Variants in PCSK6 observed in about 807,000 individuals in gnomAD.
PCSK6 encodes the protein proprotein convertase subtilisin/kexin type 6.
A neutral mutation model predicts 123.3 loss-of-function variants in PCSK6; 85 were observed. The observed-to-expected ratio is 0.69, with a 90% CI of 0.58 to 0.83. The LOEUF (loss-of-function observed/expected upper bound fraction) is 0.83, where lower values mean the gene tolerates loss of function less well. Among genes scored for constraint, PCSK6 ranks in the 40% least tolerant of loss-of-function variants. PCSK6 has a pLI of 0.00. For missense variants in PCSK6, 1,191 were observed against 1,282.3 expected (o/e 0.93, Z 1.09); for synonymous variants, 508 against 516.0 (o/e 0.98, Z 0.21).
rs187844048 is a variant in PCSK6 at position 101,412,225 on chromosome 15, T to C, written c.824-13649A>G. Among the ~76,000 whole-genome samples, 22 of 152,282 alleles carry C rather than the reference T, an allele frequency of 1.4e-4. No homozygotes were observed. In the East Asian group the frequency reaches 3.9e-3, roughly 27 times the overall value. On this transcript the variant is annotated intron_variant, in intron 6 of 21. Transcript: ENST00000611716. ...TGAAACAGAAGGCTGAAGTCAGGTA[T>C]AGCCTCATAACATAATGCAAAAATG...
At chr15:101,404,816 C>T (rs922892485) in intron 6 of PCSK6, among the ~76,000 whole-genome samples, 5 of 152,160 alleles carry the variant, frequency 3.3e-5, no homozygotes, top group South Asian at 2.1e-4. Context: ...ACTGGCCACC[C>T]GGGGGTCAAG....
chr15:101,367,706 T>C lies in PCSK6; in HGVS notation c.1722-1374A>G, dbSNP rs76237362. 8.7e-3 allele frequency among the ~76,000 whole-genome samples: 1,322 copies of C among 152,344 alleles called. 11 individuals are homozygous for C. Among genetic ancestry groups the C allele is most frequent in the African/African-American group, 0.03 (1,259 of 41,582 alleles). ...AAATTAAGTAAGATGTGCAGTAGGA[T>C]AGGAGGTCATTGATCCTAAAACACA... is the stretch of plus-strand genomic sequence containing the variant. On this transcript the variant is annotated intron_variant, in intron 12 of 21. Transcript: ENST00000611716.
At chr15:101,365,385 T>A (rs1244605247) in intron 13 of PCSK6, among the ~76,000 whole-genome samples, 2 of 152,236 alleles carry the variant, frequency 1.3e-5, no homozygotes, top group African/African-American at 4.8e-5. Context: ...ACGCTTATAA[T>A]TTTTTAAAAA....
chr15:101,343,727 A>ACC (rs2040670037), intron 13 of PCSK6, among the ~76,000 whole-genome samples: 1 of 152,246 alleles, frequency 6.6e-6, no homozygotes, highest in Admixed American at 6.5e-5. Context: ...AATCCTTGGA[A>ACC]ATCCATCGAA....
At chr15:101,323,263 T>C (rs79999475) in intron 17 of PCSK6, among the ~76,000 whole-genome samples, 8,426 of 152,164 alleles carry the variant, frequency 0.055, 331 homozygotes, top group African/African-American at 0.099. Flanking sequence ...TCATACGCCA[T>C]AAAGCAGGTG....
chr15:101,408,562 T>A (rs929056551), intron 6 of PCSK6, among the ~76,000 whole-genome samples: 2 of 152,126 alleles, frequency 1.3e-5, no homozygotes, highest in Non-Finnish European at 2.9e-5. Context: ...GATGCTCAGA[T>A]CTAGCAGGCA....
At chr15:101,307,462 C>T in intron 20 of PCSK6, 137 bp from the exon 21 acceptor site, 1 of 631,178 alleles carries the variant, frequency 1.6e-6, no homozygotes, top group Non-Finnish European at 2.9e-6. Flanking sequence ...GCTGTGTCGC[C>T]CACCATTCCC....
At chr15:101,469,681 G>A (rs28607081) in intron 1 of PCSK6, among the ~76,000 whole-genome samples, 28,792 of 152,072 alleles carry the variant, frequency 0.19, 2,859 homozygotes, top group African/African-American at 0.24. Context: ...GCTGGGAGCC[G>A]GTGAGGACGG....
At chr15:101,357,687 G>A (rs1267431504) in intron 13 of PCSK6, among the ~76,000 whole-genome samples, 2 of 152,264 alleles carry the variant, frequency 1.3e-5, no homozygotes, top group African/African-American at 4.8e-5. Context: ...TGCTCTGGGG[G>A]TAGGTCTTAT....
At chr15:101,382,321 G>C (rs1464245268) in intron 10 of PCSK6, 112 bp from the exon 11 acceptor site, 8 of 821,066 alleles carry the variant, frequency 9.7e-6, no homozygotes, top group Non-Finnish European at 1.5e-5. Context: ...CGTAAGACTC[G>C]AGGTCTCCTG....
intron 1 of PCSK6, among the ~76,000 whole-genome samples, chr15:101,450,095 A>C (rs943387402): frequency 1.3e-5 from 2 of 151,952 alleles, no homozygotes; most frequent in Non-Finnish European, 2.9e-5. Flanking sequence ...AGCCACCACC[A>C]AACCTTCCCA....
At chr15:101,460,187 C>T (rs1187893338) in intron 1 of PCSK6, among the ~76,000 whole-genome samples, 4 of 152,156 alleles carry the variant, frequency 2.6e-5, no homozygotes, top group African/African-American at 7.2e-5. Context: ...TCCGTGTCCT[C>T]CTCTCTGTGG....
At chr15:101,467,303 C>T (rs1295575314) in intron 1 of PCSK6, among the ~76,000 whole-genome samples, 2 of 150,920 alleles carry the variant, frequency 1.3e-5, no homozygotes, top group East Asian at 1.9e-4. Context: ...GACAGAGTCT[C>T]GCTCTGTCGC....
Position 101,430,137 on chromosome 15 carries a change from G to A in PCSK6, c.658-74C>T, listed in dbSNP as rs142907305. 1,098 of 1,195,656 alleles carry A rather than the reference G, an allele frequency of 9.2e-4. 9 individuals are homozygous for A. The African/African-American group carries it at 0.013, about 14-fold the overall frequency. The allele number at this position is 1,195,656 out of a possible 1,614,324, so 74.1% of individuals were successfully genotyped here. A position where few individuals can be genotyped will look rare whatever the true frequency, so the allele number is the denominator to read the frequency against. ...CTGTTTGAAATGGATTTTATGTTCC[G>A]TTGGCAAATAGAGAAACCACACGCG... On this transcript the variant is annotated intron_variant, in intron 4 of 21. Transcript: ENST00000611716.
At chr15:101,458,384 C>G (rs933555691) in intron 1 of PCSK6, among the ~76,000 whole-genome samples, 1 of 152,122 alleles carries the variant, frequency 6.6e-6, no homozygotes. Flanking sequence ...ACCCAAATGC[C>G]GTAGAGACCC....
intron 7 of PCSK6, among the ~76,000 whole-genome samples, chr15:101,394,449 G>C (rs1211583697): frequency 2.0e-5 from 3 of 152,186 alleles, no homozygotes; most frequent in African/African-American, 7.2e-5. Flanking sequence ...TTAGCGAGTG[G>C]AAGACTGAAC....
intron 6 of PCSK6, 142 bp downstream of exon 6, chr15:101,427,750 C>T (rs530410188): frequency 6.2e-5 from 38 of 616,454 alleles, no homozygotes; most frequent in Admixed American, 1.9e-4. Context: ...ATGATACAGA[C>T]GGCACTGCTG....
chr15:101,463,040 T>A, intron 1 of PCSK6: 1 of 461,868 alleles, frequency 2.2e-6, no homozygotes, highest in Non-Finnish European at 4.4e-6. Context: ...TGGGTGAGAG[T>A]TCGCTGCCAA....
chr15:101,415,611 T>TGATAAAA (rs1272220594), intron 6 of PCSK6, among the ~76,000 whole-genome samples: 8 of 152,194 alleles, frequency 5.3e-5, no homozygotes, highest in African/African-American at 1.7e-4. Flanking sequence ...AGAATAAAAA[T>TGATAAAA]ACTCTTCAAA....
Sources: gnomAD v4.1 joint callset for allele counts (sites outside exome capture counted in the v4.1 genomes callset) on GRCh38, gnomAD v4.1.1 for gene constraint, MANE v1.5 for transcripts, NCBI Gene and HGNC (gene_info 2026-07-23, HGNC 2026-07-21) for gene names.